XIRP2: variants seen among roughly 807,000 people sequenced by gnomAD.
XIRP2 encodes the protein xin actin binding repeat containing 2.
In XIRP2, 236 loss-of-function variants were observed where a neutral mutation model predicts 277.0. The ratio of observed to expected loss-of-function variants is 0.85; its 90% CI spans 0.77 to 0.95. The LOEUF is 0.95. Among genes scored for constraint, XIRP2 ranks in the 40% least tolerant of loss-of-function variants. The pLI is 0.00. For synonymous variants in XIRP2, 1,490 were observed against 1,416.5 expected (o/e 1.05, Z -1.17); for missense variants, 4,640 against 4,157.5 (o/e 1.12, Z -3.19).
At chr2:166,911,615 G>C (rs1280057823) in intron 2 of XIRP2, among the ~76,000 whole-genome samples, 1 of 152,024 alleles carries the variant, frequency 6.6e-6, no homozygotes, top group Non-Finnish European at 1.5e-5. Flanking sequence ...TTCAATTTAA[G>C]GTTAATATTG....
intron 5 of XIRP2, among the ~76,000 whole-genome samples, chr2:167,227,877 C>G (rs1237447045): frequency 6.6e-6 from 1 of 152,032 alleles, no homozygotes; most frequent in East Asian, 1.9e-4. Flanking sequence ...TACTTCATTA[C>G]AATTTTTTTT....
Position 167,033,078 on chromosome 2 carries a change from T to C in XIRP2, c.409-102831T>C, listed in dbSNP as rs144837545. Reference sequence around the variant, plus strand: ...ATTAATGTTAGACTGGATAAAGAAATTGTGACACATATACACGATGGAATA... The same window carrying C: ...ATTAATGTTAGACTGGATAAAGAAACTGTGACACATATACACGATGGAATA... On this transcript the variant is annotated intron_variant, in intron 2 of 10. Coordinates refer to ENST00000409195, the MANE Select transcript of XIRP2 (RefSeq NM_152381.6). Among the ~76,000 whole-genome samples the C allele has an allele frequency of 1.5e-3, 227 of 152,146 alleles. 4 individuals are homozygous for C. In the East Asian group the frequency reaches 0.038, roughly 26 times the overall value.
At chr2:167,231,731 T>C (rs73972217) in intron 5 of XIRP2, among the ~76,000 whole-genome samples, 23,050 of 151,940 alleles carry the variant, frequency 0.15, 2,182 homozygotes, top group African/African-American at 0.27. Context: ...ATCTCCATCT[T>C]GGGCTTTGCA....
At chr2:166,958,724 T>C (rs1167763244) in intron 2 of XIRP2, among the ~76,000 whole-genome samples, 1 of 151,816 alleles carries the variant, frequency 6.6e-6, no homozygotes, top group Non-Finnish European at 1.5e-5. Flanking sequence ...TTTATTTTAC[T>C]GGGCTAAAGA....
At chr2:167,011,857 C>T (rs1032317089) in intron 2 of XIRP2, among the ~76,000 whole-genome samples, 18 of 151,972 alleles carry the variant, frequency 1.2e-4, no homozygotes, top group Admixed American at 8.5e-4. Context: ...AGTTTATTTG[C>T]GAAGAGGTGT....
At chr2:167,012,140 T>G (rs1044414663) in intron 2 of XIRP2, among the ~76,000 whole-genome samples, 1 of 151,938 alleles carries the variant, frequency 6.6e-6, no homozygotes, top group East Asian at 1.9e-4. Flanking sequence ...CTAGTTCTTT[T>G]AATTGTGATG....
intron 2 of XIRP2, among the ~76,000 whole-genome samples, chr2:167,106,894 A>G (rs1257204941): frequency 1.3e-5 from 2 of 151,202 alleles, no homozygotes; most frequent in African/African-American, 4.8e-5. Flanking sequence ...ACTTTTTTAT[A>G]TTTACGTGTA....
At chr2:167,031,317 G>C (rs1688340142) in intron 2 of XIRP2, among the ~76,000 whole-genome samples, 1 of 151,972 alleles carries the variant, frequency 6.6e-6, no homozygotes, top group African/African-American at 2.4e-5. Flanking sequence ...GCACATTTTT[G>C]CAGTGGTGGG....
intron 2 of XIRP2, among the ~76,000 whole-genome samples, chr2:167,042,783 C>T (rs1324029467): frequency 6.6e-6 from 1 of 152,132 alleles, no homozygotes; most frequent in Non-Finnish European, 1.5e-5. Flanking sequence ...CCCCCACTGA[C>T]AGTGTTAGGC....
At chr2:167,041,464 C>A (rs1558959166) in intron 2 of XIRP2, among the ~76,000 whole-genome samples, 3 of 152,012 alleles carry the variant, frequency 2.0e-5, no homozygotes, top group Admixed American at 6.6e-5. Flanking sequence ...GACAAAATAG[C>A]CATTTTAAGA....
chr2:167,120,597 T>C (rs934783305), intron 2 of XIRP2, among the ~76,000 whole-genome samples: 22 of 152,126 alleles, frequency 1.4e-4, no homozygotes, highest in South Asian at 1.0e-3. Context: ...ATATCCAAGT[T>C]CCCATAGCTC....
rs2105318754 is a variant in XIRP2, at chr2:167,136,057, T to G, written c.557T>G (p.Phe186Cys). 1 of 1,600,840 alleles carries G rather than the reference T, an allele frequency of 6.2e-7. No homozygotes were observed. Among genetic ancestry groups the G allele is most frequent in the East Asian group, 2.3e-5 (1 of 44,444 alleles). ...CCTGAAAGTGGTCACAGCCGCATCT[T>G]TGAAGGTTAGCATAACATTTTGATA... ...MSPESGHSRI[F>C]EATAGPNKPE... Residue 186 changes from phenylalanine (F) to cysteine (C), a missense_variant, in exon 3 of 11, where the codon TTT becomes TGT. By Grantham distance (205) the Phe-to-Cys change is radical. Coordinates refer to ENST00000409195, the MANE Select transcript of XIRP2 (RefSeq NM_152381.6).
At chr2:167,010,821 T>C (rs1687655214) in intron 2 of XIRP2, among the ~76,000 whole-genome samples, 1 of 152,052 alleles carries the variant, frequency 6.6e-6, no homozygotes, top group African/African-American at 2.4e-5. Flanking sequence ...TATTTTATTC[T>C]CTTTGAAGCA....
rs376240141 is a variant in XIRP2 at position 167,243,650 on chromosome 2, A to C, written c.2258A>C (p.Glu753Ala). ...AGAGATGGTTCGGGCCAAATGCTGGAAATTAAAACTGTTCACAGAGAAGAC... is the reference window on the plus strand; with the variant it reads ...AGAGATGGTTCGGGCCAAATGCTGGCAATTAAAACTGTTCACAGAGAAGAC... ...VIRDGSGQML[E>A]IKTVHREDVE... The change falls in exon 9 of 11, where the codon GAA becomes GCA. Residue 753 changes from glutamate (E) to alanine (A), a missense_variant. By Grantham distance (107) the Glu-to-Ala change is moderately radical. Transcript: ENST00000409195. 13 of 1,613,962 alleles carry C rather than the reference A, an allele frequency of 8.1e-6. No homozygotes were observed. The South Asian group carries it at 1.4e-4, about 18-fold the overall frequency.
rs1446459129 is a variant in XIRP2, at chr2:167,210,789, G to T, written c.617G>T (p.Arg206Leu). The change falls in exon 4 of 11, where the codon CGG (arginine) becomes CTG (leucine). Residue 206 changes from arginine (R) to leucine (L), a missense_variant. Coordinates refer to ENST00000409195, the MANE Select transcript of XIRP2 (RefSeq NM_152381.6). ...ESGFAEDSAA[R>L]GEGVSDLHEV... is the part of the protein sequence containing the mutation. Reference sequence around the variant, plus strand: ...GGATTTGCAGAAGACAGTGCTGCTCGGGGCGAGGGTGTGTCAGACCTCCAC... The same window carrying T: ...GGATTTGCAGAAGACAGTGCTGCTCTGGGCGAGGGTGTGTCAGACCTCCAC... The T allele has an allele frequency of 1.2e-6, 2 of 1,614,040 alleles. No homozygotes were observed. Among genetic ancestry groups the T allele is most frequent in the Non-Finnish European group, 1.7e-6 (2 of 1,180,018 alleles).
In XIRP2 at chr2:167,258,676, C is replaced by G; in HGVS notation, c.*859C>G. On this transcript the variant is annotated 3_prime_UTR_variant, in exon 11 of 11. Coordinates refer to ENST00000409195, the MANE Select transcript of XIRP2 (RefSeq NM_152381.6). ...AAAATTTGAATAAGAATAATAATAA[C>G]AATTATGTAGCAGTCTCATATCTGA... 1 of 1,612,028 alleles carries G rather than the reference C, an allele frequency of 6.2e-7. No individual in the cohort carries two copies. The highest frequency in any genetic ancestry group is 8.5e-7 in the Non-Finnish European group (1 of 1,179,144).
At chr2:167,218,390 A>T (rs1694322316) in intron 5 of XIRP2, 90 bp downstream of exon 5, 1 of 1,220,296 alleles carries the variant, frequency 8.2e-7, no homozygotes, top group African/African-American at 1.5e-5. Flanking sequence ...CTTTAGTGAT[A>T]CATTTATTTT....
chr2:167,102,246 G>A (rs1367082), intron 2 of XIRP2, among the ~76,000 whole-genome samples: 26,678 of 152,054 alleles, frequency 0.18, 4,879 homozygotes, highest in African/African-American at 0.46. Flanking sequence ...ACCAGGAGGC[G>A]CATTTCAAAG....
At chr2:166,905,643 A>C (rs1385641928) in intron 2 of XIRP2, among the ~76,000 whole-genome samples, 1 of 151,978 alleles carries the variant, frequency 6.6e-6, no homozygotes, top group Non-Finnish European at 1.5e-5. Flanking sequence ...TGTATGAAAC[A>C]AGGTTGATGG....
Sources: allele counts gnomAD v4.1 joint callset (sites outside exome capture counted in the v4.1 genomes callset), GRCh38; gene constraint gnomAD v4.1.1; transcripts MANE v1.5; gene names NCBI Gene and HGNC (gene_info 2026-07-23, HGNC 2026-07-21).